TECR: variants seen among roughly 807,000 people sequenced by gnomAD.
TECR encodes the protein trans-2,3-enoyl-CoA reductase, also known as very-long-chain enoyl-CoA reductase.
A neutral mutation model predicts 50.6 loss-of-function variants in TECR; 19 were observed. That is an observed-to-expected ratio of 0.38 (90% CI 0.26 to 0.55). The LOEUF is 0.55. Among genes scored for constraint, TECR ranks in the 20% least tolerant of loss-of-function variants. TECR has a pLI of 0.79. For missense variants in TECR, 313 were observed against 408.3 expected (o/e 0.77, Z 2.01); for synonymous variants, 168 against 163.5 (o/e 1.03, Z -0.21).
In TECR at chr19:14,547,715, A is replaced by G. The variant is rs930403204; in HGVS notation, c.16-14810A>G. ...ATTCTGTCACCCAGGTTGGAGTGCAATGGTGCTATTATAGTTCACTGCAGC... is the reference window on the plus strand; with the variant it reads ...ATTCTGTCACCCAGGTTGGAGTGCAGTGGTGCTATTATAGTTCACTGCAGC... On this transcript the variant is annotated intron_variant, in intron 1 of 12. Coordinates refer to ENST00000215567, the MANE Select transcript of TECR (RefSeq NM_138501.6). Among the ~76,000 whole-genome samples, 4 of 150,034 alleles carry G rather than the reference A, an allele frequency of 2.7e-5. 1 individual carries two copies. Among genetic ancestry groups the G allele is most frequent in the South Asian group, 4.2e-4 (2 of 4,768 alleles).
At chr19:14,561,550 C>T (rs992119064) in intron 1 of TECR, among the ~76,000 whole-genome samples, 4 of 152,136 alleles carry the variant, frequency 2.6e-5, no homozygotes, top group South Asian at 2.1e-4. Context: ...CAGGAAGCGC[C>T]GGGCTTTAGT....
At position 14,534,479 on chromosome 19, in the gene TECR, A is replaced by G. The variant is rs541316750; in HGVS notation, c.15+4768A>G. On this transcript the variant is annotated intron_variant, in intron 1 of 12. Coordinates refer to ENST00000215567, the MANE Select transcript of TECR (RefSeq NM_138501.6). Reference sequence around the variant, plus strand: ...GTGACAGAGTCTCGCTCTGTCACCCAGGCTGGAGTGCAGTGATGTGATCTC... The same window carrying G: ...GTGACAGAGTCTCGCTCTGTCACCCGGGCTGGAGTGCAGTGATGTGATCTC... Among the ~76,000 whole-genome samples, 34 of 109,604 alleles carry G rather than the reference A, an allele frequency of 3.1e-4. No individual in the cohort carries two copies. In the East Asian group the frequency reaches 9.8e-3, roughly 32 times the overall value. The allele number at this position is 109,604 out of a possible 152,430, so 71.9% of individuals were successfully genotyped here.
At position 14,560,122 on chromosome 19, in the gene TECR, C is replaced by A. The variant is rs557875072; in HGVS notation, c.16-2403C>A. Among the ~76,000 whole-genome samples, 9 of 152,296 alleles carry A rather than the reference C, an allele frequency of 5.9e-5. No individual in the cohort carries two copies. The South Asian group carries it at 1.9e-3, about 32-fold the overall frequency. The stretch of plus-strand genomic sequence containing the variant: ...TGTGAGCGTGGCCCCTCTCTCGCTA[C>A]CCCCTCCTGCCGCAGCCCGGCGTCC... On this transcript the variant is annotated intron_variant, in intron 1 of 12. Coordinates refer to ENST00000215567, the MANE Select transcript of TECR (RefSeq NM_138501.6).
intron 1 of TECR, among the ~76,000 whole-genome samples, chr19:14,538,923 C>G (rs2072999868): frequency 6.6e-6 from 1 of 151,780 alleles, no homozygotes; most frequent in South Asian, 2.1e-4. Flanking sequence ...GAGGAAGAAG[C>G]CCAGATGCCA....
At chr19:14,529,992 A>G in intron 1 of TECR, 1 of 548,390 alleles carries the variant, frequency 1.8e-6, no homozygotes, top group Non-Finnish European at 3.3e-6. Context: ...CAGCTCCCCC[A>G]GCGGGCTGAG....
At chr19:14,542,466 A>G (rs1335277848) in intron 1 of TECR, among the ~76,000 whole-genome samples, 1 of 146,020 alleles carries the variant, frequency 6.8e-6, no homozygotes, top group Non-Finnish European at 1.5e-5. Flanking sequence ...GGTTCAATCA[A>G]TTCTCCTGCC....
At chr19:14,561,557 T>A (rs1023792334) in intron 1 of TECR, among the ~76,000 whole-genome samples, 1 of 152,114 alleles carries the variant, frequency 6.6e-6, no homozygotes, top group Non-Finnish European at 1.5e-5. Context: ...CGCCGGGCTT[T>A]AGTGGGGCGC....
intron 1 of TECR, chr19:14,531,230 T>C (rs1377443142): frequency 3.3e-5 from 5 of 149,860 alleles, no homozygotes; most frequent in African/African-American, 4.9e-5. Flanking sequence ...GAGATGGGGG[T>C]TTCACCATGT....
chr19:14,547,703 G>T (rs568396729), intron 1 of TECR, among the ~76,000 whole-genome samples: 3 of 149,392 alleles, frequency 2.0e-5, no homozygotes, highest in Non-Finnish European at 4.4e-5. Flanking sequence ...CTGTCACCCA[G>T]GTTGGAGTGC....
intron 1 of TECR, among the ~76,000 whole-genome samples, chr19:14,546,806 T>G (rs969612963): frequency 6.6e-6 from 1 of 152,162 alleles, no homozygotes; most frequent in Non-Finnish European, 1.5e-5. Context: ...TCTCCCACCT[T>G]AGCCTCCCAG....
At chr19:14,542,348 T>TTTTTTTTTTG in intron 1 of TECR, among the ~76,000 whole-genome samples, 1 of 28,452 alleles carries the variant, frequency 3.5e-5, no homozygotes, top group African/African-American at 2.1e-4. Context: ...TGCCATAGTG[T>TTTTTTTTTTG]TTTTTTTTTT....
chr19:14,561,068 G>C (rs919634675), intron 1 of TECR, among the ~76,000 whole-genome samples: 1 of 152,130 alleles, frequency 6.6e-6, no homozygotes, highest in Non-Finnish European at 1.5e-5. Flanking sequence ...AAGCCCCCTT[G>C]TCTCCCGCTG....
chr19:14,538,846 A>T (rs1219449927), intron 1 of TECR, among the ~76,000 whole-genome samples: 1 of 151,552 alleles, frequency 6.6e-6, no homozygotes, highest in Non-Finnish European at 1.5e-5. Flanking sequence ...AAGCTTCAAA[A>T]CTTAATGAAG....
intron 1 of TECR, chr19:14,530,207 G>C (rs1338438039): frequency 5.6e-6 from 1 of 177,864 alleles, no homozygotes; most frequent in East Asian, 1.4e-4. Context: ...GCAGCTCCAC[G>C]GCTGGCTTTC....
rs377724067 is a variant in TECR, at chr19:14,529,631, G to A, written c.-66G>A. ...GCTGCGGTTGCGAGCGCTGTAGGGA[G>A]CCTGTGCTGTGCCGCGCAGTTAGGC... is the stretch of plus-strand genomic sequence containing the variant. On this transcript the variant is annotated 5_prime_UTR_variant, in exon 1 of 13. Coordinates refer to ENST00000215567, the MANE Select transcript of TECR (RefSeq NM_138501.6). 504 of 1,612,790 alleles carry A rather than the reference G, an allele frequency of 3.1e-4. No individual in the cohort carries two copies. The highest frequency in any genetic ancestry group is 9.3e-4 in the South Asian group (85 of 91,068).
intron 1 of TECR, among the ~76,000 whole-genome samples, chr19:14,553,767 G>A (rs1225318951): frequency 2.6e-5 from 4 of 152,136 alleles, no homozygotes; most frequent in African/African-American, 9.6e-5. Flanking sequence ...CCAGGCCTCC[G>A]ACCTCTATGC....
chr19:14,545,415 G>A (rs796989021), intron 1 of TECR, among the ~76,000 whole-genome samples: 3 of 144,654 alleles, frequency 2.1e-5, no homozygotes, highest in South Asian at 4.6e-4. Flanking sequence ...CCTCTGCACC[G>A]CTGTCTCCTC....
At chr19:14,553,219 A>G (rs2073599717) in intron 1 of TECR, among the ~76,000 whole-genome samples, 1 of 152,182 alleles carries the variant, frequency 6.6e-6, no homozygotes, top group Non-Finnish European at 1.5e-5. Context: ...TGGGAACAGC[A>G]GCTCCAGCTT....
At chr19:14,541,393 T>C (rs2073092077) in intron 1 of TECR, among the ~76,000 whole-genome samples, 1 of 152,114 alleles carries the variant, frequency 6.6e-6, no homozygotes, top group Non-Finnish European at 1.5e-5. Flanking sequence ...AGATGGAAGC[T>C]GCCGAGACAA....
Sources: allele counts gnomAD v4.1 joint callset (sites outside exome capture counted in the v4.1 genomes callset), GRCh38; gene constraint gnomAD v4.1.1; transcripts MANE v1.5; gene names NCBI Gene and HGNC (gene_info 2026-07-23, HGNC 2026-07-21).